FRMD4A: variants seen among roughly 807,000 people sequenced by gnomAD.
The protein encoded by FRMD4A is FERM domain containing 4A.
A neutral mutation model predicts 129.1 loss-of-function variants in FRMD4A; 29 were observed. That is an observed-to-expected ratio of 0.22 (90% CI 0.17 to 0.31). FRMD4A has a LOEUF of 0.31. FRMD4A is among the 10% of genes least tolerant of loss of function. The pLI is 1.00. For missense variants in FRMD4A, 1,272 were observed against 1,375.8 expected, an observed-to-expected ratio of 0.92 and a Z score of 1.19; for synonymous variants, 634 against 571.6, an observed-to-expected ratio of 1.11 and a Z score of -1.56.
chr10:13,662,799 C>T (rs967151072), intron 19 of FRMD4A, among the ~76,000 whole-genome samples: 2 of 152,304 alleles, frequency 1.3e-5, no homozygotes, highest in African/African-American at 2.4e-5. Flanking sequence ...TTACACTCTC[C>T]TAGTGGGTTT....
chr10:13,959,012 C>G (rs1338310816), intron 2 of FRMD4A, among the ~76,000 whole-genome samples: 1 of 152,232 alleles, frequency 6.6e-6, no homozygotes, highest in African/African-American at 2.4e-5. Flanking sequence ...TTTTCCCCAG[C>G]ACTCTGAGTA....
intron 8 of FRMD4A, among the ~76,000 whole-genome samples, chr10:13,755,188 C>A (rs2091809373): frequency 6.6e-6 from 1 of 152,150 alleles, no homozygotes; most frequent in African/African-American, 2.4e-5. Context: ...AAAATTAGTT[C>A]TTCGTGTTCT....
chr10:13,783,902 A>C (rs2092794604), intron 5 of FRMD4A, among the ~76,000 whole-genome samples: 1 of 152,238 alleles, frequency 6.6e-6, no homozygotes, highest in Non-Finnish European at 1.5e-5. Context: ...TTAAGTTTAC[A>C]CTAAATGTGC....
intron 12 of FRMD4A, among the ~76,000 whole-genome samples, chr10:13,709,363 C>T (rs55838909): frequency 0.082 from 12,513 of 152,222 alleles, 633 homozygotes; most frequent in Non-Finnish European, 0.11. Flanking sequence ...TAAGGTAGAT[C>T]TCAGCAGCCA....
chr10:14,308,700 A>C (rs1052198381), intron 2 of FRMD4A, among the ~76,000 whole-genome samples: 1 of 152,194 alleles, frequency 6.6e-6, no homozygotes, highest in African/African-American at 2.4e-5. Flanking sequence ...GTGTGTTCAT[A>C]ATCACATCAC....
In FRMD4A at chr10:14,250,547, T is replaced by C. The variant is rs1218376; in HGVS notation, c.45+79511A>G. 4.9e-3 allele frequency among the ~76,000 whole-genome samples: 746 copies of C among 152,290 alleles called. 6 individuals are homozygous for C. Among genetic ancestry groups the C allele is most frequent in the African/African-American group, 0.017 (707 of 41,552 alleles). ...TCTCTCTATTACAACTGCCCAGGTA[T>C]AAAAGCCTGTCTTGTAGAACCAACA... On this transcript the variant is annotated intron_variant, in intron 2 of 24. Coordinates refer to ENST00000357447, the MANE Select transcript of FRMD4A (RefSeq NM_018027.5).
rs534432642 is a variant in FRMD4A, at chr10:13,985,766, T to C, written c.46-126854A>G. On this transcript the variant is annotated intron_variant, in intron 2 of 24. Coordinates refer to ENST00000357447, the MANE Select transcript of FRMD4A (RefSeq NM_018027.5). ...AGGGCACAGGAGGGCCCCTGGCCCA[T>C]CCTAAGCCTTTGACACAAGCTTTAG... is the stretch of plus-strand genomic sequence containing the variant. Among the ~76,000 whole-genome samples, 8 of 152,336 alleles carry C rather than the reference T, an allele frequency of 5.3e-5. No homozygotes were observed. The South Asian group carries it at 1.2e-3, about 24-fold the overall frequency.
chr10:14,206,134 G>A (rs777000607), intron 2 of FRMD4A, among the ~76,000 whole-genome samples: 3 of 152,130 alleles, frequency 2.0e-5, no homozygotes, highest in Non-Finnish European at 4.4e-5. Context: ...CCCAGCAATT[G>A]ATTGGTCGTT....
chr10:14,121,225 G>A (rs1278232231), intron 2 of FRMD4A, among the ~76,000 whole-genome samples: 4 of 152,062 alleles, frequency 2.6e-5, no homozygotes, highest in Admixed American at 6.5e-5. Flanking sequence ...AAAGTTAGCC[G>A]GGCATGGTGG....
At chr10:13,654,658 C>A in intron 22 of FRMD4A, 146 bp from the exon 23 acceptor site, 1 of 616,028 alleles carries the variant, frequency 1.6e-6, no homozygotes, top group Non-Finnish European at 2.9e-6. Flanking sequence ...AGCAGGGTCT[C>A]AGCATCCCTA....
Position 14,025,242 on chromosome 10 carries a change from C to G in FRMD4A, c.46-166330G>C, listed in dbSNP as rs573076606. Among the ~76,000 whole-genome samples, 15 of 152,012 alleles carry G rather than the reference C, an allele frequency of 9.9e-5. 1 individual carries two copies. The South Asian group carries it at 3.1e-3, about 32-fold the overall frequency. On this transcript the variant is annotated intron_variant, in intron 2 of 24. Coordinates refer to ENST00000357447, the MANE Select transcript of FRMD4A (RefSeq NM_018027.5). The stretch of plus-strand genomic sequence containing the variant: ...CAATTCCTCAAGCTTCTGCCAGTTA[C>G]AGAATATCCACGAAATCTTGCAAAT...
At chr10:14,121,634 T>C (rs1400842631) in intron 2 of FRMD4A, among the ~76,000 whole-genome samples, 6 of 152,142 alleles carry the variant, frequency 3.9e-5, no homozygotes, top group African/African-American at 1.4e-4. Flanking sequence ...CCCAGAAGGC[T>C]GGTCTCAAAC....
At chr10:13,971,651 C>T (rs1024020212) in intron 2 of FRMD4A, 12 of 1,299,146 alleles carry the variant, frequency 9.2e-6, no homozygotes, top group African/African-American at 6.1e-5. Flanking sequence ...AGCTTCTGGT[C>T]CCACCTGATA....
chr10:13,966,063 G>A (rs372890505), intron 2 of FRMD4A, among the ~76,000 whole-genome samples: 1 of 152,092 alleles, frequency 6.6e-6, no homozygotes, highest in East Asian at 1.9e-4. Context: ...AGATTGGAGT[G>A]CAGTGGTGCC....
At position 13,782,046 on chromosome 10, in the gene FRMD4A, A is replaced by G. The variant is rs148855453; in HGVS notation, c.384+876T>C. On this transcript the variant is annotated intron_variant, in intron 6 of 24. Coordinates refer to ENST00000357447, the MANE Select transcript of FRMD4A (RefSeq NM_018027.5). ...CAAATCACAACTAAAGAACTTACTC[A>G]TGTAACTAAATACCACCTGTTCCCC... Among the ~76,000 whole-genome samples, 331 of 152,308 alleles carry G rather than the reference A, an allele frequency of 2.2e-3. 3 individuals carry two copies. Among genetic ancestry groups the G allele is most frequent in the Middle Eastern group, 0.01 (3 of 294 alleles).
At chr10:13,996,843 C>T (rs1242984816) in intron 2 of FRMD4A, among the ~76,000 whole-genome samples, 2 of 152,192 alleles carry the variant, frequency 1.3e-5, no homozygotes, top group African/African-American at 2.4e-5. Flanking sequence ...TCCCCAAATT[C>T]GGAGTTCAAA....
At chr10:13,958,281 G>GTTTTTTTTTTTTTTTTTTTTTTTTTTT (rs35369777) in intron 2 of FRMD4A, among the ~76,000 whole-genome samples, 1 of 104,660 alleles carries the variant, frequency 9.6e-6, no homozygotes, top group Non-Finnish European at 1.8e-5. Context: ...CATGACCATT[G>GTTTTTTTTTTTTTTTTTTTTTTTTTTT]TTTTTTTTTT....
chr10:14,138,907 T>A (rs1209027882), intron 2 of FRMD4A, among the ~76,000 whole-genome samples: 1 of 152,210 alleles, frequency 6.6e-6, no homozygotes, highest in Non-Finnish European at 1.5e-5. Context: ...TAGATAGCCA[T>A]TGTCCTTGAG....
intron 4 of FRMD4A, among the ~76,000 whole-genome samples, chr10:13,796,846 A>T (rs1220512900): frequency 6.6e-6 from 1 of 152,108 alleles, no homozygotes; most frequent in African/African-American, 2.4e-5. Flanking sequence ...CAGCCTCCTG[A>T]GTAGCTGGGA....
Sources: gnomAD v4.1 joint callset for allele counts (sites outside exome capture counted in the v4.1 genomes callset) on GRCh38, gnomAD v4.1.1 for gene constraint, MANE v1.5 for transcripts, NCBI Gene and HGNC (gene_info 2026-07-23, HGNC 2026-07-21) for gene names.